The following DOCK10 variants were observed in gnomAD, a reference collection of about 807,000 sequenced individuals.
DOCK10 encodes dedicator of cytokinesis 10, also known as dedicator of cytokinesis protein 10.
Under a neutral mutation model 280.1 loss-of-function variants are expected in DOCK10, and 145 were observed. The observed-to-expected ratio is 0.52, with a 90% CI of 0.45 to 0.59. The LOEUF (loss-of-function observed/expected upper bound fraction) is 0.59, where lower values mean the gene tolerates loss of function less well. Ranked by LOEUF, DOCK10 falls within the 20% of genes least tolerant of loss-of-function variation. The pLI is 0.00. For missense variants in DOCK10, 2,368 were observed against 2,651.7 expected (o/e 0.89, Z 2.35); for synonymous variants, 915 against 942.2 (o/e 0.97, Z 0.53).
At chr2:224,841,779 T>C (rs754751925) in intron 23 of DOCK10, 25 bp downstream of exon 23, 4 of 1,527,212 alleles carry the variant, frequency 2.6e-6, no homozygotes, top group Admixed American at 1.7e-5. Context: ...TGGAGATCAC[T>C]GAAACTGCTT....
At position 225,042,243 on chromosome 2, in the gene DOCK10, CG is replaced by C; in HGVS notation, c.123+8del. The C allele has an allele frequency of 7.9e-7, 1 of 1,271,842 alleles. No individual in the cohort carries two copies. The highest frequency in any genetic ancestry group is 2.7e-5 in the South Asian group (1 of 37,190). The allele number at this position is 1,271,842 out of a possible 1,614,324, so 78.8% of individuals were successfully genotyped here. ...GCGCGGGAAGGCGCGGAGGACGCGC[CG>C]CACTCACCCGCTGCTGCTGCCGGCT... On this transcript the variant is annotated splice_region_variant and intron_variant, in intron 1 of 55. Transcript: ENST00000258390. The surrounding 1 kb of genome is among the most constrained non-coding windows in gnomAD (Gnocchi z 5.1).
At chr2:224,804,286 C>G in intron 38 of DOCK10, 73 bp from the exon 39 acceptor site, 1 of 808,726 alleles carries the variant, frequency 1.2e-6, no homozygotes. Flanking sequence ...TGGCAACTGA[C>G]AAAACGATTA....
chr2:224,911,695 G>A (rs1243872797), intron 3 of DOCK10, among the ~76,000 whole-genome samples: 1 of 152,154 alleles, frequency 6.6e-6, no homozygotes, highest in Non-Finnish European at 1.5e-5. Context: ...GAGACTCAGA[G>A]CCACAAGCTA....
chr2:225,039,687 TC>T (rs1690363076), intron 1 of DOCK10, among the ~76,000 whole-genome samples: 1 of 7,974 alleles, frequency 1.3e-4, no homozygotes, highest in African/African-American at 2.9e-4. Flanking sequence ...CTTCCTGTCT[TC>T]TCTCTCTCTC....
At chr2:224,992,520 A>C (rs557019426) in intron 1 of DOCK10, among the ~76,000 whole-genome samples, 1 of 152,386 alleles carries the variant, frequency 6.6e-6, no homozygotes, top group Non-Finnish European at 1.5e-5. Context: ...ACCAAAGTTT[A>C]AGTCCAGCAG....
intron 1 of DOCK10, among the ~76,000 whole-genome samples, chr2:225,002,027 A>G (rs1471245554): frequency 6.6e-6 from 1 of 152,202 alleles, no homozygotes; most frequent in Non-Finnish European, 1.5e-5. Context: ...GCCAAGAGAG[A>G]GGGAGCGTAA....
chr2:224,930,366 G>T (rs12466481), intron 2 of DOCK10, among the ~76,000 whole-genome samples: 34,975 of 151,990 alleles, frequency 0.23, 4,503 homozygotes, highest in Non-Finnish European at 0.28. Context: ...TCCAACCACG[G>T]AAATGAGATC....
At chr2:224,886,888 A>ACCCCCCCCCCCCC (rs200245451) in intron 4 of DOCK10, among the ~76,000 whole-genome samples, 1 of 142,482 alleles carries the variant, frequency 7.0e-6, no homozygotes, top group African/African-American at 2.9e-5. Context: ...CACCCCCAAC[A>ACCCCCCCCCCCCC]CCCCCCCAAG....
chr2:224,793,007 T>C lies in DOCK10; in HGVS notation c.5278A>G (p.Ser1760Gly), dbSNP rs1692306474. 3 of 1,613,854 alleles carry C rather than the reference T, an allele frequency of 1.9e-6. No individual in the cohort carries two copies. The highest frequency in any genetic ancestry group is 1.1e-5 in the South Asian group (1 of 91,068). The change falls in exon 47 of 56, where the codon AGC becomes GGC. Residue 1760 changes from serine (S) to glycine (G), a missense_variant. Ser to Gly is a moderately conservative substitution (Grantham distance 56). This residue lies in a region of DOCK10 where 1,159 missense variants were observed against 1,400.8 expected (regional missense o/e 0.83). Transcript: ENST00000258390. ...LLSEDTHPCD[S>G]NSLLTTPSGG... The stretch of plus-strand genomic sequence containing the variant: ...CTGGGAGTTGTTAGTAATGAGTTGC[T>C]ATCACAGGGGTGGGTATCCTCCGAG...
chr2:224,982,127 A>G lies in DOCK10; in HGVS notation c.124-50459T>C, dbSNP rs1705780534. 7.1e-6 allele frequency: 8 copies of G among 1,123,862 alleles called. No homozygotes were observed. The South Asian group carries it at 3.2e-4, about 46-fold the overall frequency. 69.6% of individuals were successfully genotyped at this position (1,123,862 alleles called of 1,614,324 possible). On this transcript the variant is annotated intron_variant, in intron 1 of 55. Transcript: ENST00000258390. ...GTCACACATGCCTTTATCTAACGCT[A>G]AACACCAAAACCCCTAAATTGTAAC...
At chr2:224,942,795 A>G (rs1314646821) in intron 1 of DOCK10, among the ~76,000 whole-genome samples, 1 of 152,210 alleles carries the variant, frequency 6.6e-6, no homozygotes, top group East Asian at 1.9e-4. Flanking sequence ...TAAAGATAAG[A>G]GGATGAATTT....
At chr2:224,973,337 GCTAACCT>G (rs1289425196) in intron 1 of DOCK10, among the ~76,000 whole-genome samples, 4 of 152,174 alleles carry the variant, frequency 2.6e-5, no homozygotes, top group African/African-American at 9.7e-5. Flanking sequence ...ATGGGAATCA[GCTAACCT>G]AGAGATGGGA....
intron 3 of DOCK10, among the ~76,000 whole-genome samples, chr2:224,915,166 C>G (rs1438691416): frequency 2.0e-5 from 3 of 152,176 alleles, no homozygotes; most frequent in Non-Finnish European, 4.4e-5. Flanking sequence ...AATGTCAAAT[C>G]CTGCCTAAGT....
At chr2:225,011,773 T>A (rs1404514911) in intron 1 of DOCK10, among the ~76,000 whole-genome samples, 1 of 152,236 alleles carries the variant, frequency 6.6e-6, no homozygotes, top group East Asian at 1.9e-4. Context: ...ACAGGCATTA[T>A]AAAATGGCAC....
intron 39 of DOCK10, among the ~76,000 whole-genome samples, chr2:224,802,744 T>A (rs1457648017): frequency 2.6e-5 from 4 of 152,204 alleles, no homozygotes; most frequent in African/African-American, 9.7e-5. Context: ...GGTTGATAAT[T>A]CTTGGGATAT....
chr2:224,834,969 C>T (rs866531849), intron 25 of DOCK10, among the ~76,000 whole-genome samples: 2 of 152,128 alleles, frequency 1.3e-5, no homozygotes, highest in South Asian at 4.1e-4. Flanking sequence ...GGGTTTGCCT[C>T]GTGGAAGGAC....
chr2:224,849,625 A>C (rs1440116568), intron 18 of DOCK10, 26 bp from the exon 19 acceptor site: 3 of 1,478,302 alleles, frequency 2.0e-6, no homozygotes, highest in Admixed American at 3.7e-5. Context: ...TGAGTTGAAC[A>C]ATTATGAGTG....
chr2:224,926,493 C>T (rs905615463), intron 2 of DOCK10, among the ~76,000 whole-genome samples: 1 of 152,152 alleles, frequency 6.6e-6, no homozygotes, highest in African/African-American at 2.4e-5. Flanking sequence ...TGACTTCCCA[C>T]TACACTCCAG....
chr2:224,957,632 G>A (rs1403403533), intron 1 of DOCK10, among the ~76,000 whole-genome samples: 2 of 152,072 alleles, frequency 1.3e-5, no homozygotes, highest in African/African-American at 2.4e-5. Flanking sequence ...CCTGGCAGAT[G>A]GTGGAGATTT....
Sources: allele counts gnomAD v4.1 joint callset (sites outside exome capture counted in the v4.1 genomes callset), GRCh38; gene constraint gnomAD v4.1.1; regional missense constraint gnomAD v4.1.1; non-coding constraint Gnocchi (gnomAD v3.1); transcripts MANE v1.5; gene names NCBI Gene and HGNC (gene_info 2026-07-23, HGNC 2026-07-21).